The following TUBGCP4 variants were observed in gnomAD, a reference collection of about 807,000 sequenced individuals.
The protein encoded by TUBGCP4 is tubulin gamma complex component 4, also known as gamma-tubulin complex component 4.
In TUBGCP4, 54 loss-of-function variants were observed where a neutral mutation model predicts 91.6. That is an observed-to-expected ratio of 0.59 (90% CI 0.47 to 0.74). TUBGCP4 has a LOEUF of 0.74. Among genes scored for constraint, TUBGCP4 ranks in the 30% least tolerant of loss-of-function variants. The pLI is 0.00. For missense variants in TUBGCP4, 593 were observed against 800.9 expected (o/e 0.74, Z 3.13); for synonymous variants, 297 against 302.8 (o/e 0.98, Z 0.20).
intron 7 of TUBGCP4, among the ~76,000 whole-genome samples, chr15:43,384,449 A>G (rs2044327407): frequency 6.6e-6 from 1 of 152,210 alleles, no homozygotes; most frequent in Admixed American, 6.5e-5. Context: ...TAAATTGCAA[A>G]GAGTTTGGGA....
At chr15:43,375,716 C>G (rs1044365100) in intron 1 of TUBGCP4, among the ~76,000 whole-genome samples, 5 of 152,082 alleles carry the variant, frequency 3.3e-5, no homozygotes, top group African/African-American at 9.6e-5. Context: ...GTCTGCAGAC[C>G]CCCATTTGAG....
At position 43,407,909 on chromosome 15, in the gene TUBGCP4, G is replaced by C. The variant is rs946687107; in HGVS notation, c.*2695G>C. 1.3e-5 allele frequency: 21 copies of C among 1,593,082 alleles called. No homozygotes were observed. The highest frequency in any genetic ancestry group is 1.5e-5 in the Non-Finnish European group (18 of 1,172,870). On this transcript the variant is annotated 3_prime_UTR_variant, in exon 18 of 18. Coordinates refer to ENST00000564079, the MANE Select transcript of TUBGCP4 (RefSeq NM_014444.5). Reference sequence around the variant, plus strand: ...CACCTACAGGTCTAAGGAGATCCCTGGAACAAAGACACTACACACACTCTT... The same window carrying C: ...CACCTACAGGTCTAAGGAGATCCCTCGAACAAAGACACTACACACACTCTT...
At chr15:43,398,777 G>A (rs1403106125) in intron 13 of TUBGCP4, among the ~76,000 whole-genome samples, 2 of 152,126 alleles carry the variant, frequency 1.3e-5, no homozygotes, top group Non-Finnish European at 2.9e-5. Flanking sequence ...AGCCACTGGG[G>A]AGAAGACAAA....
Position 43,403,795 on chromosome 15 carries a change from T to G in TUBGCP4, c.1844T>G (p.Val615Gly), listed in dbSNP as rs1566904629. The G allele has an allele frequency of 6.2e-7, 1 of 1,612,576 alleles. No individual in the cohort carries two copies. The highest frequency in any genetic ancestry group is 1.3e-5 in the African/African-American group (1 of 75,024). ...ERGAAQLSIL[V>G]KGFSRQSSLL... ...GGAGCCGCCCAGCTGAGCATTCTCG[T>G]GAAGGTGCGTCTGCCTGGAAGTATG... Residue 615 changes from valine to glycine, a missense_variant, in exon 16 of 18, where the codon GTG becomes GGG. By Grantham distance (109) the Val-to-Gly change is moderately radical. Transcript: ENST00000564079.
In TUBGCP4 at chr15:43,408,029, T is replaced by G; in HGVS notation, c.*2815T>G. ...CTCAGACCAGAGCTCCAGGAAGTTC[T>G]GCTGTTGGTCTGATACCAAGAGTAC... On this transcript the variant is annotated 3_prime_UTR_variant, in exon 18 of 18. Transcript: ENST00000564079. 6.2e-7 allele frequency: 1 copy of G among 1,614,176 alleles called. No individual in the cohort carries two copies. The highest frequency in any genetic ancestry group is 8.5e-7 in the Non-Finnish European group (1 of 1,180,004).
At chr15:43,404,344 C>A in intron 16 of TUBGCP4, 69 bp from the exon 17 acceptor site, 1 of 1,580,878 alleles carries the variant, frequency 6.3e-7, no homozygotes, top group Non-Finnish European at 8.6e-7. Flanking sequence ...CTCCTCCCTC[C>A]GCCCCCATCC....
At chr15:43,393,273 G>A (rs1430593008) in intron 9 of TUBGCP4, among the ~76,000 whole-genome samples, 1 of 149,572 alleles carries the variant, frequency 6.7e-6, no homozygotes, top group African/African-American at 2.5e-5. Context: ...GCAGTGGCGC[G>A]GTCTCTGCTT....
Position 43,406,549 on chromosome 15 carries a change from T to G in TUBGCP4, c.*1335T>G. On this transcript the variant is annotated 3_prime_UTR_variant, in exon 18 of 18. Transcript: ENST00000564079. The stretch of plus-strand genomic sequence containing the variant: ...TCACAGCAAAGGCGAGTAGTTGTGA[T>G]GGATCAAATGGCCCACAAAGCCTGA... 3 of 455,666 alleles carry G rather than the reference T, an allele frequency of 6.6e-6. No individual in the cohort carries two copies. Among genetic ancestry groups the G allele is most frequent in the South Asian group, 4.7e-5 (3 of 64,480 alleles). 28.2% of individuals were successfully genotyped at this position (455,666 alleles called of 1,614,324 possible).
In TUBGCP4 at chr15:43,403,945, G is replaced by C. The variant is rs2044767373; in HGVS notation, c.1848+146G>C. 7 of 635,446 alleles carry C rather than the reference G, an allele frequency of 1.1e-5. No individual in the cohort carries two copies. The Admixed American group carries it at 1.6e-4, about 14-fold the overall frequency. 39.4% of individuals were successfully genotyped at this position (635,446 alleles called of 1,614,324 possible). A position where few individuals can be genotyped will look rare whatever the true frequency, so the allele number is the denominator to read the frequency against. The stretch of plus-strand genomic sequence containing the variant: ...ATAAGATACAAAGATAAAAATGTTG[G>C]TATCAGTTGATTTTGAAGCAGGTAA... On this transcript the variant is annotated intron_variant, in intron 16 of 17. Transcript: ENST00000564079.
At chr15:43,399,082 T>C in intron 13 of TUBGCP4, 1 of 1,216,652 alleles carries the variant, frequency 8.2e-7, no homozygotes, top group Non-Finnish European at 1.1e-6. Context: ...CCAAACAAGG[T>C]CTATCATTTC....
At position 43,377,898 on chromosome 15, in the gene TUBGCP4, C is replaced by T; in HGVS notation, c.436C>T (p.Gln146Ter). ...VMVVVEQIKS[Q>*]KIHGCQILET... ...GGTTGTAGTAGAACAAATTAAAAGTCAAAAGGTGAGAACTTTCCTTATTCC... is the reference window on the plus strand; with the variant it reads ...GGTTGTAGTAGAACAAATTAAAAGTTAAAAGGTGAGAACTTTCCTTATTCC... The change falls in exon 5 of 18, where the codon CAA (glutamine) becomes TAA (stop). Residue 146 changes from glutamine (Q) to a stop codon, truncating the protein, a stop_gained. Coordinates refer to ENST00000564079, the MANE Select transcript of TUBGCP4 (RefSeq NM_014444.5). LOFTEE classifies it high-confidence loss of function. 2 of 1,602,900 alleles carry T rather than the reference C, an allele frequency of 1.2e-6. No homozygotes were observed. The highest frequency in any genetic ancestry group is 1.7e-6 in the Non-Finnish European group (2 of 1,176,894).
At chr15:43,399,896 A>G (rs2044640465) in intron 13 of TUBGCP4, 148 bp from the exon 14 acceptor site, 2 of 543,420 alleles carry the variant, frequency 3.7e-6, no homozygotes, top group Non-Finnish European at 6.4e-6. Flanking sequence ...TAAATAAATT[A>G]TAATTTATTT....
At chr15:43,395,243 C>A in intron 10 of TUBGCP4, 86 bp downstream of exon 10, 1 of 1,473,366 alleles carries the variant, frequency 6.8e-7, no homozygotes, top group Non-Finnish European at 9.5e-7. Flanking sequence ...GCACTGGTTG[C>A]CTATACCCAG....
At chr15:43,386,651 G>A (rs1487420700) in intron 9 of TUBGCP4, among the ~76,000 whole-genome samples, 1 of 141,014 alleles carries the variant, frequency 7.1e-6, no homozygotes, top group Non-Finnish European at 1.6e-5. Context: ...CTTGAACCCG[G>A]GAGGCGGAGG....
At position 43,371,305 on chromosome 15, in the gene TUBGCP4, G is replaced by A. The variant is rs1595472176; in HGVS notation, c.-50G>A. The A allele has an allele frequency of 5.2e-5, 82 of 1,584,540 alleles. No individual in the cohort carries two copies. The East Asian group carries it at 1.8e-3, about 35-fold the overall frequency. On this transcript the variant is annotated 5_prime_UTR_variant, in exon 1 of 18. Coordinates refer to ENST00000564079, the MANE Select transcript of TUBGCP4 (RefSeq NM_014444.5). ...ACTCCCCTCGTGGTCGCCTGGAGGT[G>A]CGCTGGAGGAGGGGGTGACATAACC...
At chr15:43,391,435 A>C (rs1383354322) in intron 9 of TUBGCP4, 2 of 152,366 alleles carry the variant, frequency 1.3e-5, no homozygotes, top group African/African-American at 4.8e-5. Flanking sequence ...TCTTGGCTTC[A>C]AGCAGTCATC....
In TUBGCP4 at chr15:43,404,448, T is replaced by C. The variant is rs1240186436; in HGVS notation, c.1884T>C (p.Ile628=). Residue 628 remains isoleucine (I), a synonymous_variant, in exon 17 of 18, where the codon ATT becomes ATC. Coordinates refer to ENST00000564079, the MANE Select transcript of TUBGCP4 (RefSeq NM_014444.5). ...GCCAGTCTTCACTCCTGTTCAAGAT[T>C]CTCTCCAGTGTTCGGAATCATCAGA... The part of the protein sequence containing the change: ...FSRQSSLLFK[I]LSSVRNHQIN... The C allele has an allele frequency of 6.2e-7, 1 of 1,614,150 alleles. No individual in the cohort carries two copies. Among genetic ancestry groups the C allele is most frequent in the East Asian group, 2.2e-5 (1 of 44,870 alleles).
chr15:43,408,685 T>C lies in TUBGCP4; in HGVS notation c.*3471T>C, dbSNP rs1001595343. ...ACAGGTTGAGAATATTGAACCTATA[T>C]ACAAATCTTCACACATTTGCAAAAG... On this transcript the variant is annotated 3_prime_UTR_variant, in exon 18 of 18. Coordinates refer to ENST00000564079, the MANE Select transcript of TUBGCP4 (RefSeq NM_014444.5). 2 of 567,766 alleles carry C rather than the reference T, an allele frequency of 3.5e-6. No homozygotes were observed. The highest frequency in any genetic ancestry group is 3.0e-5 in the Admixed American group (1 of 33,054). 35.2% of individuals were successfully genotyped at this position (567,766 alleles called of 1,614,324 possible). A position where few individuals can be genotyped will look rare whatever the true frequency, so the allele number is the denominator to read the frequency against.
At chr15:43,405,062 T>G in intron 17 of TUBGCP4, 140 bp from the exon 18 acceptor site, 4 of 920,298 alleles carry the variant, frequency 4.3e-6, no homozygotes, top group Non-Finnish European at 6.7e-6. Context: ...TTTTCTAAGC[T>G]ATTGTAGCAG....
Sources: gnomAD v4.1 joint callset for allele counts (sites outside exome capture counted in the v4.1 genomes callset) on GRCh38, gnomAD v4.1.1 for gene constraint, MANE v1.5 for transcripts, NCBI Gene and HGNC (gene_info 2026-07-23, HGNC 2026-07-21) for gene names.